The following CFAP54 variants were observed in gnomAD, a reference collection of about 807,000 sequenced individuals.
The protein encoded by CFAP54 is cilia- and flagella-associated protein 54.
CFAP54 carries 290 observed loss-of-function variants against 370.4 expected under a neutral mutation model. The ratio of observed to expected loss-of-function variants is 0.78; its 90% CI spans 0.71 to 0.86. CFAP54 has a LOEUF of 0.86. CFAP54 is among the 40% of genes least tolerant of loss of function. The probability of loss-of-function intolerance (pLI) is 0.00; values close to 1 mark genes in which losing one functional copy is unlikely to be tolerated. For missense variants in CFAP54, 3,399 were observed against 3,528.7 expected (o/e 0.96, Z 0.93); for synonymous variants, 1,206 against 1,236.5 (o/e 0.98, Z 0.52).
At chr12:96,811,514 A>G (rs1234739580) in intron 63 of CFAP54, among the ~76,000 whole-genome samples, 1 of 152,210 alleles carries the variant, frequency 6.6e-6, no homozygotes, top group Non-Finnish European at 1.5e-5. Flanking sequence ...TTCAAAAATA[A>G]TATCATATTG....
intron 61 of CFAP54, among the ~76,000 whole-genome samples, chr12:96,786,170 A>G (rs893996466): frequency 2.3e-4 from 34 of 150,068 alleles, no homozygotes; most frequent in African/African-American, 6.6e-4. Context: ...CATTACCCTC[A>G]TGTGCCTTTG....
intron 66 of CFAP54, among the ~76,000 whole-genome samples, chr12:96,844,201 T>C (rs891565584): frequency 2.0e-5 from 3 of 152,222 alleles, no homozygotes; most frequent in African/African-American, 7.2e-5. Context: ...ACTTTGCAGA[T>C]GTGATTAAGT....
At chr12:96,820,335 C>A (rs1356233786) in intron 65 of CFAP54, among the ~76,000 whole-genome samples, 2 of 152,154 alleles carry the variant, frequency 1.3e-5, no homozygotes, top group Non-Finnish European at 2.9e-5. Context: ...TTTACCTCAT[C>A]TATACACTTT....
At chr12:96,551,485 ATGTG>A (rs10582056) in intron 15 of CFAP54, among the ~76,000 whole-genome samples, 7,260 of 143,700 alleles carry the variant, frequency 0.051, 241 homozygotes, top group Admixed American at 0.12. Flanking sequence ...TTGAATGGGT[ATGTG>A]TGTGTGTGTG....
chr12:96,827,016 GC>G (rs1313097902), intron 65 of CFAP54, among the ~76,000 whole-genome samples: 1,400 of 132,242 alleles, frequency 0.011, 44 homozygotes, highest in African/African-American at 0.038. Flanking sequence ...ATTATAATAT[GC>G]AATTATATGT....
chr12:96,817,022 C>T (rs1958981750), intron 64 of CFAP54, among the ~76,000 whole-genome samples: 1 of 152,216 alleles, frequency 6.6e-6, no homozygotes, highest in Admixed American at 6.5e-5. Flanking sequence ...TGTTATGGGT[C>T]CGTTGACTGA....
intron 48 of CFAP54, among the ~76,000 whole-genome samples, chr12:96,717,535 T>C (rs1957698065): frequency 1.3e-5 from 2 of 152,246 alleles, no homozygotes; most frequent in Non-Finnish European, 2.9e-5. Context: ...TTGTGGTTTA[T>C]CTTTCTCTCC....
chr12:96,828,007 A>G (rs1309026535), intron 65 of CFAP54, among the ~76,000 whole-genome samples: 1 of 122,122 alleles, frequency 8.2e-6, no homozygotes, highest in Non-Finnish European at 1.6e-5. Context: ...TATAATATAT[A>G]ATTATATATA....
chr12:96,529,625 T>G (rs778810316), intron 9 of CFAP54, among the ~76,000 whole-genome samples: 3 of 152,226 alleles, frequency 2.0e-5, no homozygotes, highest in Non-Finnish European at 4.4e-5. Context: ...CTTTTTCATA[T>G]ACTTTTTTCA....
intron 64 of CFAP54, among the ~76,000 whole-genome samples, chr12:96,814,574 C>CA (rs2136731390): frequency 6.6e-6 from 1 of 152,342 alleles, no homozygotes; most frequent in Admixed American, 6.5e-5. Context: ...TTCTGGGATA[C>CA]ATGTACAGAA....
intron 62 of CFAP54, among the ~76,000 whole-genome samples, chr12:96,789,922 G>A (rs1337025265): frequency 6.6e-6 from 1 of 152,100 alleles, no homozygotes; most frequent in East Asian, 1.9e-4. Flanking sequence ...TCCAAGCTTG[G>A]CTGATTTTTG....
chr12:96,601,388 G>C (rs1956240329), intron 26 of CFAP54, among the ~76,000 whole-genome samples: 1 of 152,202 alleles, frequency 6.6e-6, no homozygotes, highest in Non-Finnish European at 1.5e-5. Flanking sequence ...TCACATCGAT[G>C]TTCATCAGGG....
chr12:96,503,490 T>C (rs900236322), intron 2 of CFAP54, among the ~76,000 whole-genome samples: 10 of 150,906 alleles, frequency 6.6e-5, no homozygotes, highest in African/African-American at 2.4e-4. Context: ...TTTCTTTTCT[T>C]TTTCGAGCCT....
intron 39 of CFAP54, among the ~76,000 whole-genome samples, chr12:96,670,811 G>A (rs553991962): frequency 7.2e-5 from 11 of 152,164 alleles, no homozygotes; most frequent in South Asian, 2.1e-4. Flanking sequence ...CATTGTCACC[G>A]GCCTTTTTGC....
intron 63 of CFAP54, among the ~76,000 whole-genome samples, chr12:96,810,774 C>T (rs1364494886): frequency 6.6e-6 from 1 of 152,154 alleles, no homozygotes; most frequent in African/African-American, 2.4e-5. Context: ...CTCCAAGCTG[C>T]CCTCAGAAGA....
At chr12:96,506,771 G>C (rs1955106229) in intron 3 of CFAP54, among the ~76,000 whole-genome samples, 157 bp from the exon 4 acceptor site, 1 of 152,098 alleles carries the variant, frequency 6.6e-6, no homozygotes, top group South Asian at 2.1e-4. Context: ...ATTTTTAGTA[G>C]AGACAGGATT....
At chr12:96,800,518 G>A (rs1212683100) in intron 63 of CFAP54, among the ~76,000 whole-genome samples, 2 of 152,132 alleles carry the variant, frequency 1.3e-5, no homozygotes, top group African/African-American at 4.8e-5. Context: ...AGATGTAGTT[G>A]CTGCCATAAT....
chr12:96,594,842 A>T (rs815895), intron 25 of CFAP54, among the ~76,000 whole-genome samples: 47,289 of 152,058 alleles, frequency 0.31, 7,511 homozygotes, highest in South Asian at 0.35. Flanking sequence ...TGTCTTGGTG[A>T]TGGAGGAGTT....
chr12:96,863,769 CTCTTCCAACTATTGCAGATAACA>C (rs1959937537), intron 67 of CFAP54, among the ~76,000 whole-genome samples: 1 of 152,158 alleles, frequency 6.6e-6, no homozygotes, highest in African/African-American at 2.4e-5. Context: ...GAAGGCAGAG[CTCTTCCAACTATTGCAGATAACA>C]TTTCAGCACT....
Sources: gnomAD v4.1 joint callset for allele counts (sites outside exome capture counted in the v4.1 genomes callset) on GRCh38, gnomAD v4.1.1 for gene constraint, MANE v1.5 for transcripts, NCBI Gene and HGNC (gene_info 2026-07-23, HGNC 2026-07-21) for gene names.